RASA1: variants seen among roughly 807,000 people sequenced by gnomAD.
RASA1 encodes ras GTPase-activating protein 1.
A neutral mutation model predicts 132.2 loss-of-function variants in RASA1; 25 were observed. That is an observed-to-expected ratio of 0.19 (90% CI 0.14 to 0.26). The LOEUF (loss-of-function observed/expected upper bound fraction) is 0.26, where lower values mean the gene tolerates loss of function less well. Ranked by LOEUF, RASA1 falls within the 10% of genes least tolerant of loss-of-function variation. The probability of loss-of-function intolerance (pLI) is 1.00; values close to 1 mark genes in which losing one functional copy is unlikely to be tolerated. For synonymous variants in RASA1, 477 were observed against 449.9 expected (o/e 1.06, Z -0.76); for missense variants, 964 against 1,299.2 (o/e 0.74, Z 3.97).
intron 1 of RASA1, among the ~76,000 whole-genome samples, chr5:87,283,522 A>G (rs1754413391): frequency 1.3e-5 from 2 of 152,090 alleles, no homozygotes; most frequent in South Asian, 4.1e-4. Context: ...AGAAAATATG[A>G]AGAAAAACCA....
intron 1 of RASA1, among the ~76,000 whole-genome samples, chr5:87,282,295 A>G (rs146353666): frequency 2.0e-5 from 3 of 152,154 alleles, no homozygotes; most frequent in Non-Finnish European, 4.4e-5. Context: ...TGTAAATGTC[A>G]TTATTTCACC....
At chr5:87,280,718 A>G (rs770972248) in intron 1 of RASA1, among the ~76,000 whole-genome samples, 25 of 152,010 alleles carry the variant, frequency 1.6e-4, no homozygotes, top group Non-Finnish European at 3.1e-4. Flanking sequence ...GTTGAGTTTC[A>G]AGAGGTTCAA....
At chr5:87,390,769 T>C (rs745368213) in intron 24 of RASA1, 31 bp from the exon 25 acceptor site, 2 of 1,573,874 alleles carry the variant, frequency 1.3e-6, no homozygotes, top group African/African-American at 2.7e-5. Flanking sequence ...CGAGCTTTCA[T>C]TTATTTTCAT....
intron 23 of RASA1, 42 bp downstream of exon 23, chr5:87,386,945 T>C: frequency 6.7e-7 from 1 of 1,495,606 alleles, no homozygotes; most frequent in Non-Finnish European, 9.3e-7. Context: ...AGACTTCTAG[T>C]TGATATAGCT....
At chr5:87,329,281 C>CAAAAAAAAAAAAAAAAAAAAAAAAAAAA (rs571157213) in intron 1 of RASA1, among the ~76,000 whole-genome samples, 1 of 119,160 alleles carries the variant, frequency 8.4e-6, no homozygotes, top group African/African-American at 3.1e-5. Context: ...TCTGTCTCTC[C>CAAAAAAAAAAAAAAAAAAAAAAAAAAAA]AAAAAAAAAA....
At chr5:87,355,982 G>A (rs761022862) in intron 9 of RASA1, among the ~76,000 whole-genome samples, 13 of 152,218 alleles carry the variant, frequency 8.5e-5, no homozygotes, top group Non-Finnish European at 1.8e-4. Flanking sequence ...TGATGAAACT[G>A]GAGCGAAAGA....
At chr5:87,286,225 A>T (rs1396839202) in intron 1 of RASA1, among the ~76,000 whole-genome samples, 1 of 152,136 alleles carries the variant, frequency 6.6e-6, no homozygotes, top group Admixed American at 6.5e-5. Context: ...CTGGTCTCGA[A>T]TGCCTGACCT....
At chr5:87,314,687 G>C (rs1180131090) in intron 1 of RASA1, among the ~76,000 whole-genome samples, 5 of 152,116 alleles carry the variant, frequency 3.3e-5, no homozygotes, top group African/African-American at 4.8e-5. Context: ...TGAGAAACAG[G>C]AGAGAGAGGA....
intron 1 of RASA1, among the ~76,000 whole-genome samples, chr5:87,312,676 A>G (rs189419308): frequency 5.3e-5 from 8 of 152,176 alleles, no homozygotes; most frequent in African/African-American, 1.9e-4. Flanking sequence ...AATCTCAGGG[A>G]TATCTGGAAC....
intron 1 of RASA1, among the ~76,000 whole-genome samples, chr5:87,277,887 A>G (rs775060217): frequency 6.6e-6 from 1 of 152,062 alleles, no homozygotes; most frequent in Non-Finnish European, 1.5e-5. Flanking sequence ...ATTTAAATGC[A>G]TGTCTGATTA....
intron 9 of RASA1, among the ~76,000 whole-genome samples, chr5:87,355,770 T>G (rs1282458765): frequency 1.3e-5 from 2 of 152,224 alleles, no homozygotes; most frequent in African/African-American, 2.4e-5. Flanking sequence ...TTAAGAACAT[T>G]TGTGATTCAT....
chr5:87,378,876 A>G (rs1008830488), intron 18 of RASA1, among the ~76,000 whole-genome samples: 1 of 152,164 alleles, frequency 6.6e-6, no homozygotes, highest in African/African-American at 2.4e-5. Flanking sequence ...TATATAACCT[A>G]TGTAGCACTT....
intron 1 of RASA1, among the ~76,000 whole-genome samples, chr5:87,291,116 A>G (rs1321694423): frequency 6.6e-6 from 1 of 152,166 alleles, no homozygotes; most frequent in African/African-American, 2.4e-5. Flanking sequence ...TCAGCATTTG[A>G]TATTGCCAGA....
chr5:87,283,242 A>C (rs1222023117), intron 1 of RASA1, among the ~76,000 whole-genome samples: 9 of 150,630 alleles, frequency 6.0e-5, no homozygotes, highest in Non-Finnish European at 1.3e-4. Context: ...TATTTTTTAA[A>C]TCTGTTTTAA....
chr5:87,372,862 A>G (rs1421691408), intron 13 of RASA1, among the ~76,000 whole-genome samples: 2 of 152,186 alleles, frequency 1.3e-5, no homozygotes, highest in Admixed American at 6.6e-5. Context: ...TCTTTGTGCG[A>G]ATATCTGATA....
intron 11 of RASA1, among the ~76,000 whole-genome samples, chr5:87,364,813 G>A (rs1276907739): frequency 6.6e-6 from 1 of 152,094 alleles, no homozygotes; most frequent in East Asian, 1.9e-4. Flanking sequence ...AAAACATTCT[G>A]TTGAGCCACC....
intron 1 of RASA1, among the ~76,000 whole-genome samples, chr5:87,330,072 A>G (rs1173223707): frequency 6.6e-6 from 1 of 152,080 alleles, no homozygotes; most frequent in Admixed American, 6.5e-5. Context: ...TTACAATTAT[A>G]TTTTGTTTGT....
rs1753724344 is a variant in RASA1, at chr5:87,269,398, A to G, written c.539+408A>G. 4 of 1,316,122 alleles carry G rather than the reference A, an allele frequency of 3.0e-6. No individual in the cohort carries two copies. The Admixed American group carries it at 8.4e-5, about 28-fold the overall frequency. The allele number at this position is 1,316,122 out of a possible 1,614,324, so 81.5% of individuals were successfully genotyped here. ...ATGATTAGTGAGAAGCTTTGAATAC[A>G]GGTGTTTAAACGAGTACTATAGTAA... On this transcript the variant is annotated intron_variant, in intron 1 of 24. Coordinates refer to ENST00000274376, the MANE Select transcript of RASA1 (RefSeq NM_002890.3).
chr5:87,296,267 G>A (rs981619375), intron 1 of RASA1, among the ~76,000 whole-genome samples: 1 of 151,946 alleles, frequency 6.6e-6, no homozygotes, highest in African/African-American at 2.4e-5. Context: ...CTGTTTCCTT[G>A]CTTCTGTCCT....
Sources: allele counts gnomAD v4.1 joint callset (sites outside exome capture counted in the v4.1 genomes callset), GRCh38; gene constraint gnomAD v4.1.1; transcripts MANE v1.5; gene names NCBI Gene and HGNC (gene_info 2026-07-23, HGNC 2026-07-21).